Variants in DLG2 observed in about 807,000 individuals in gnomAD.
The protein encoded by DLG2 is discs large MAGUK scaffold protein 2.
A neutral mutation model predicts 132.5 loss-of-function variants in DLG2; 45 were observed. That is an observed-to-expected ratio of 0.34 (90% confidence interval 0.27 to 0.44). DLG2 has a LOEUF of 0.44. Ranked by LOEUF, DLG2 falls within the 20% of genes least tolerant of loss-of-function variation. The pLI is 1.00. For missense variants in DLG2, 1,045 were observed against 1,196.9 expected, an observed-to-expected ratio of 0.87 and a Z score of 1.87; for synonymous variants, 424 against 419.6, an observed-to-expected ratio of 1.01 and a Z score of -0.13.
chr11:85,346,520 G>A (rs2082862515), intron 3 of DLG2, among the ~76,000 whole-genome samples: 1 of 152,014 alleles, frequency 6.6e-6, no homozygotes, highest in African/African-American at 2.4e-5. Flanking sequence ...TGCAATAACC[G>A]ATATTATTGT....
intron 6 of DLG2, among the ~76,000 whole-genome samples, chr11:84,989,158 C>G (rs745964607): frequency 6.6e-6 from 1 of 152,100 alleles, no homozygotes; most frequent in Non-Finnish European, 1.5e-5. Flanking sequence ...AAAGACTACA[C>G]ACACAAATGA....
chr11:85,237,655 A>G (rs1041513128), intron 4 of DLG2, among the ~76,000 whole-genome samples: 1 of 152,066 alleles, frequency 6.6e-6, no homozygotes, highest in African/African-American at 2.4e-5. Flanking sequence ...GGGAGGTCAG[A>G]CACACCTCAT....
At chr11:83,484,105 C>T (rs1255249871) in intron 22 of DLG2, 24 bp downstream of exon 22, 1 of 1,590,984 alleles carries the variant, frequency 6.3e-7, no homozygotes, top group East Asian at 2.2e-5. Context: ...TTGCATGTGA[C>T]ATTATCTTTC....
At chr11:84,578,837 C>A (rs1164219372) in intron 6 of DLG2, among the ~76,000 whole-genome samples, 3 of 151,998 alleles carry the variant, frequency 2.0e-5, no homozygotes, top group Non-Finnish European at 4.4e-5. Context: ...TTGGCTGTGA[C>A]CCTACCGAAA....
intron 3 of DLG2, among the ~76,000 whole-genome samples, chr11:85,556,484 G>A (rs1054113385): frequency 2.0e-5 from 3 of 151,726 alleles, no homozygotes; most frequent in Non-Finnish European, 2.9e-5. Context: ...TTACAAAGTC[G>A]ATTATTATTT....
intron 3 of DLG2, among the ~76,000 whole-genome samples, chr11:85,536,030 A>G (rs2075555923): frequency 1.3e-5 from 2 of 152,006 alleles, no homozygotes; most frequent in Admixed American, 6.5e-5. Flanking sequence ...AAACTGGGCA[A>G]CATGGTGAAA....
chr11:84,625,424 G>A (rs766146007), intron 6 of DLG2, among the ~76,000 whole-genome samples: 4 of 152,154 alleles, frequency 2.6e-5, no homozygotes, highest in Non-Finnish European at 5.9e-5. Flanking sequence ...TCAAGACTGG[G>A]ATAATTATGT....
chr11:83,874,347 G>C, intron 16 of DLG2, 73 bp downstream of exon 16: 1 of 1,061,196 alleles, frequency 9.4e-7, no homozygotes, highest in Non-Finnish European at 1.3e-6. Context: ...AAGAGAGACA[G>C]AGACAGGGAG....
intron 3 of DLG2, among the ~76,000 whole-genome samples, chr11:85,340,494 G>C (rs1472263385): frequency 1.3e-5 from 2 of 152,010 alleles, no homozygotes; most frequent in Middle Eastern, 3.2e-3. Flanking sequence ...TGTTGGGCGG[G>C]TGGGGGCTGG....
At chr11:85,354,014 A>T (rs1018593873) in intron 3 of DLG2, among the ~76,000 whole-genome samples, 1 of 151,530 alleles carries the variant, frequency 6.6e-6, no homozygotes, top group Non-Finnish European at 1.5e-5. Context: ...TCCTTAATAA[A>T]AAAAAAAAAC....
At chr11:83,822,690 A>G (rs186689505) in intron 17 of DLG2, among the ~76,000 whole-genome samples, 1 of 152,298 alleles carries the variant, frequency 6.6e-6, no homozygotes, top group East Asian at 1.9e-4. Context: ...CCTTAGTAGG[A>G]GGATTTCCTC....
intron 7 of DLG2, among the ~76,000 whole-genome samples, chr11:84,364,839 C>G (rs555797352): frequency 2.9e-4 from 44 of 152,236 alleles, no homozygotes; most frequent in African/African-American, 9.4e-4. Flanking sequence ...ATTGAAGGAG[C>G]CTTGCATCCC....
At chr11:84,273,259 G>A (rs940952740) in intron 7 of DLG2, 7 of 1,354,832 alleles carry the variant, frequency 5.2e-6, no homozygotes, top group Admixed American at 2.7e-5. Flanking sequence ...GTTGCATAGC[G>A]AAAGCTGGTA....
intron 4 of DLG2, among the ~76,000 whole-genome samples, chr11:85,179,848 A>G (rs1465461035): frequency 6.6e-6 from 1 of 151,922 alleles, no homozygotes; most frequent in South Asian, 2.1e-4. Flanking sequence ...AGTGCTTTAC[A>G]AAGATTAACT....
In DLG2 at chr11:83,812,630, T is replaced by C. The variant is rs114050301; in HGVS notation, c.1722+20984A>G. Among the ~76,000 whole-genome samples the C allele has an allele frequency of 4.3e-3, 651 of 152,276 alleles. 8 individuals are homozygous for C. Among genetic ancestry groups the C allele is most frequent in the African/African-American group, 0.015 (628 of 41,570 alleles). On this transcript the variant is annotated intron_variant, in intron 17 of 27. Transcript: ENST00000376104. ...CTGTTTTGGTCTTAAACTTAGTAGATATACTGTGAAAATCTCGATATAGTT... is the reference window on the plus strand; with the variant it reads ...CTGTTTTGGTCTTAAACTTAGTAGACATACTGTGAAAATCTCGATATAGTT...
At chr11:83,915,097 AG>A (rs1321068336) in intron 15 of DLG2, among the ~76,000 whole-genome samples, 1 of 152,180 alleles carries the variant, frequency 6.6e-6, no homozygotes, top group Non-Finnish European at 1.5e-5. Context: ...GTTTAAAAAA[AG>A]TTTTAGGAAG....
intron 9 of DLG2, among the ~76,000 whole-genome samples, chr11:84,146,084 C>T (rs1332930302): frequency 2.6e-5 from 4 of 152,168 alleles, no homozygotes; most frequent in Admixed American, 6.5e-5. Flanking sequence ...CCTAAATTTG[C>T]AGACCTGTCC....
intron 9 of DLG2, among the ~76,000 whole-genome samples, chr11:84,129,810 C>T (rs1274786015): frequency 1.3e-5 from 2 of 151,760 alleles, no homozygotes; most frequent in African/African-American, 4.8e-5. Flanking sequence ...TCCTCCTTGC[C>T]CCCAAAAGCA....
intron 3 of DLG2, among the ~76,000 whole-genome samples, chr11:85,488,112 T>C (rs574881339): frequency 4.6e-5 from 7 of 152,314 alleles, no homozygotes; most frequent in Admixed American, 4.6e-4. Context: ...GCCTTTTGGC[T>C]GGGTGCAGTG....
Sources: gnomAD v4.1 joint callset for allele counts (sites outside exome capture counted in the v4.1 genomes callset) on GRCh38, gnomAD v4.1.1 for gene constraint, MANE v1.5 for transcripts, NCBI Gene and HGNC (gene_info 2026-07-23, HGNC 2026-07-21) for gene names.